The following ASTN2 variants were observed in gnomAD, a reference collection of about 807,000 sequenced individuals.
The protein encoded by ASTN2 is astrotactin 2, also known as astrotactin-2.
In ASTN2, 54 loss-of-function variants were observed where a neutral mutation model predicts 139.8. That is an observed-to-expected ratio of 0.39 (90% CI 0.31 to 0.48). ASTN2 has a LOEUF of 0.48. ASTN2 is among the 20% of genes least tolerant of loss of function. ASTN2 has a pLI of 0.95. For synonymous variants in ASTN2, 756 were observed against 719.5 expected (o/e 1.05, Z -0.81); for missense variants, 1,565 against 1,725.1 (o/e 0.91, Z 1.64).
At chr9:117,377,607 CTGAG>C (rs1450544292) in intron 1 of ASTN2, among the ~76,000 whole-genome samples, 3 of 151,806 alleles carry the variant, frequency 2.0e-5, no homozygotes, top group Admixed American at 1.3e-4. Flanking sequence ...AATACTGCTG[CTGAG>C]TAACTTACAG....
At chr9:117,390,620 T>G (rs112902413) in intron 1 of ASTN2, among the ~76,000 whole-genome samples, 2,737 of 152,300 alleles carry the variant, frequency 0.018, 44 homozygotes, top group Non-Finnish European at 0.03. Flanking sequence ...GATTGGTGTC[T>G]TTCACTTAGC....
At chr9:116,870,270 C>T (rs1778060423) in intron 10 of ASTN2, among the ~76,000 whole-genome samples, 1 of 152,192 alleles carries the variant, frequency 6.6e-6, no homozygotes, top group Non-Finnish European at 1.5e-5. Context: ...CATTCTTTCT[C>T]CTACATGAAT....
Position 116,425,542 on chromosome 9 carries a change from A to C in ASTN2, c.*309T>G. The C allele has an allele frequency of 6.2e-7, 1 of 1,609,862 alleles. No individual in the cohort carries two copies. Among genetic ancestry groups the C allele is most frequent in the Non-Finnish European group, 8.5e-7 (1 of 1,177,392 alleles). ...GAAGAGCAAAGGCCGCTTGGTCTCC[A>C]CCTGAAAACTTCTGCCTCGGGATTG... On this transcript the variant is annotated 3_prime_UTR_variant, in exon 23 of 23. Coordinates refer to ENST00000313400, the MANE Select transcript of ASTN2 (RefSeq NM_001365068.1).
At chr9:116,716,935 G>C (rs1416207772) in intron 16 of ASTN2, among the ~76,000 whole-genome samples, 1 of 152,116 alleles carries the variant, frequency 6.6e-6, no homozygotes. Flanking sequence ...TTTACCTTTG[G>C]GTTTGATACC....
At chr9:117,299,783 T>G (rs1412050621) in intron 1 of ASTN2, among the ~76,000 whole-genome samples, 2 of 152,204 alleles carry the variant, frequency 1.3e-5, no homozygotes, top group East Asian at 3.8e-4. Context: ...ACAAGGTGGA[T>G]GGACTGATGG....
chr9:117,092,523 TA>T (rs886250995), intron 5 of ASTN2, among the ~76,000 whole-genome samples: 11 of 152,132 alleles, frequency 7.2e-5, no homozygotes, highest in Admixed American at 3.9e-4. Flanking sequence ...TCAAAGATGG[TA>T]AAGTTGAATG....
At chr9:116,600,323 C>CAAAAAAAAAAAAAAAAAAAAAAAAAAAA (rs35224783) in intron 19 of ASTN2, among the ~76,000 whole-genome samples, 1 of 118,944 alleles carries the variant, frequency 8.4e-6, no homozygotes, top group Non-Finnish European at 1.7e-5. Context: ...GACCCTGTCT[C>CAAAAAAAAAAAAAAAAAAAAAAAAAAAA]AAAAAAAAAA....
intron 7 of ASTN2, among the ~76,000 whole-genome samples, chr9:116,986,993 G>A (rs902962326): frequency 1.3e-5 from 2 of 152,182 alleles, no homozygotes; most frequent in African/African-American, 2.4e-5. Flanking sequence ...CCCTGGTTCT[G>A]CAGGTATGAA....
chr9:116,448,475 T>C (rs542530566), intron 20 of ASTN2, among the ~76,000 whole-genome samples: 1 of 152,210 alleles, frequency 6.6e-6, no homozygotes, highest in Non-Finnish European at 1.5e-5. Flanking sequence ...TGCTGAGAGA[T>C]AGGTTAGATC....
At chr9:117,095,886 G>T (rs1171331167) in intron 5 of ASTN2, among the ~76,000 whole-genome samples, 158 bp downstream of exon 5, 1 of 152,136 alleles carries the variant, frequency 6.6e-6, no homozygotes, top group African/African-American at 2.4e-5. Context: ...TATACTGAAG[G>T]TCACCCATAT....
At chr9:117,198,602 A>G (rs138053256) in intron 3 of ASTN2, among the ~76,000 whole-genome samples, 2,510 of 152,272 alleles carry the variant, frequency 0.016, 61 homozygotes, top group African/African-American at 0.058. Context: ...CAATAAACAT[A>G]CATGTGCATG....
chr9:117,101,572 G>A (rs10983521), intron 4 of ASTN2, among the ~76,000 whole-genome samples: 31,747 of 152,040 alleles, frequency 0.21, 4,139 homozygotes, highest in Middle Eastern at 0.4. Context: ...CACATGCCAC[G>A]GTGTGATAAG....
chr9:117,217,255 C>T (rs1050099265), intron 2 of ASTN2, among the ~76,000 whole-genome samples: 1 of 152,278 alleles, frequency 6.6e-6, no homozygotes, highest in African/African-American at 2.4e-5. Flanking sequence ...CATTGATGCC[C>T]CTGGGGGAAT....
At chr9:116,814,523 C>A (rs7034397) in intron 12 of ASTN2, among the ~76,000 whole-genome samples, 78,046 of 151,694 alleles carry the variant, frequency 0.51, 20,984 homozygotes, top group African/African-American at 0.67. Flanking sequence ...AAGAAACACT[C>A]TCAGTTTACA....
intron 5 of ASTN2, among the ~76,000 whole-genome samples, chr9:117,065,372 G>A (rs1396973262): frequency 6.6e-6 from 1 of 152,160 alleles, no homozygotes; most frequent in African/African-American, 2.4e-5. Context: ...TGCACATGGT[G>A]AGAACTTACC....
At chr9:117,098,232 G>A (rs1027207962) in intron 4 of ASTN2, among the ~76,000 whole-genome samples, 2 of 152,236 alleles carry the variant, frequency 1.3e-5, no homozygotes, top group East Asian at 1.9e-4. Flanking sequence ...ATCTCATTCC[G>A]AATTCATACT....
chr9:116,873,357 T>A (rs1233541570), intron 10 of ASTN2, among the ~76,000 whole-genome samples: 1 of 152,196 alleles, frequency 6.6e-6, no homozygotes, highest in African/African-American at 2.4e-5. Context: ...TAGGTAGATT[T>A]GAGCTTTTCC....
At chr9:116,851,471 CATCTATCTATCTATCTATCTATCTATCT>C (rs58927400) in intron 11 of ASTN2, among the ~76,000 whole-genome samples, 1 of 148,882 alleles carries the variant, frequency 6.7e-6, no homozygotes, top group Admixed American at 6.7e-5. Flanking sequence ...AATTGCTAAA[CATCTATCTATCTATCTATCTATCTATCT>C]ATCTATCTAT....
chr9:116,656,144 A>G (rs1265139524), intron 16 of ASTN2, among the ~76,000 whole-genome samples: 1 of 152,166 alleles, frequency 6.6e-6, no homozygotes. Context: ...CTGATCCCAT[A>G]TCCATCTTAC....
Sources: allele counts gnomAD v4.1 joint callset (sites outside exome capture counted in the v4.1 genomes callset), GRCh38; gene constraint gnomAD v4.1.1; transcripts MANE v1.5; gene names NCBI Gene and HGNC (gene_info 2026-07-23, HGNC 2026-07-21).